HELZ2: variants seen among roughly 807,000 people sequenced by gnomAD.
The protein encoded by HELZ2 is 3'-5' exoribonuclease HELZ2.
Under a neutral mutation model 208.8 loss-of-function variants are expected in HELZ2, and 143 were observed. That is an observed-to-expected ratio of 0.68 (90% CI 0.60 to 0.79). The LOEUF is 0.79. Among genes scored for constraint, HELZ2 ranks in the 30% least tolerant of loss-of-function variants. HELZ2 has a pLI of 0.00. For missense variants in HELZ2, 3,690 were observed against 3,794.5 expected (o/e 0.97, Z 0.72); for synonymous variants, 1,705 against 1,693.7 (o/e 1.01, Z -0.16).
At chr20:63,562,629 G>T in exon 8 of HELZ2, 1 of 1,592,040 alleles carries the variant, frequency 6.3e-7, no homozygotes, top group Non-Finnish European at 8.5e-7. Context: ...AGGTGCACCC[G>T]TCTGGGAGCC....
chr20:63,564,638 G>A lies in HELZ2; in HGVS notation c.4184C>T (p.Ala1395Val), dbSNP rs563095046. ...TGGCTCCCTGCCGGGGGCATAGAAC[G>A]CAGCGCCCTGCCTTCGCGCCTCCAC... The change falls in exon 8 of 19, where the codon GCG becomes GTG. Residue 1395 changes from alanine to valine, a missense_variant. By Grantham distance (64) the Ala-to-Val change is moderately conservative. Transcript: ENST00000467148. 25 of 1,565,354 alleles carry A rather than the reference G, an allele frequency of 1.6e-5. No individual in the cohort carries two copies. Among genetic ancestry groups the A allele is most frequent in the East Asian group, 4.7e-5 (2 of 42,180 alleles).
chr20:63,559,466 G>T, intron 18 of HELZ2, 96 bp from the exon 20 acceptor site: 1 of 1,005,792 alleles, frequency 9.9e-7, no homozygotes. Context: ...AGTCAGTCAG[G>T]GTCAGGTGGG....
chr20:63,562,068 C>T lies in HELZ2; in HGVS notation c.6529+4G>A, dbSNP rs746774469. 3.1e-5 allele frequency: 49 copies of T among 1,602,902 alleles called. No homozygotes were observed. The highest frequency in any genetic ancestry group is 3.8e-5 in the Non-Finnish European group (45 of 1,175,036). ...GCCTGCGGCTCCCCCGGCATGGGCC[C>T]TACCTGGTGGGCCCTGAATGACCGT... On this transcript the variant is annotated splice_donor_region_variant and intron_variant, in intron 10 of 18. Transcript: ENST00000467148.
intron 18 of HELZ2, 83 bp downstream of exon 19, chr20:63,559,845 G>A (rs1308961555): frequency 1.2e-5 from 18 of 1,487,870 alleles, no homozygotes; most frequent in Non-Finnish European, 1.6e-5. Flanking sequence ...CGGAGTCAGG[G>A]TCAGGCAGGA....
chr20:63,571,974 C>G, intron 1 of HELZ2, 134 bp downstream of exon 2: 1 of 1,026,270 alleles, frequency 9.7e-7, no homozygotes, highest in South Asian at 1.8e-5. Flanking sequence ...GGCTCCTGCC[C>G]TACTCCAAGC....
chr20:63,562,165 T>A, exon 10 of HELZ2: 1 of 1,611,792 alleles, frequency 6.2e-7, no homozygotes, highest in Non-Finnish European at 8.5e-7. Flanking sequence ...CCTCCGGGGA[T>A]GTTGTAGGTC....
At chr20:63,565,723 G>T in exon 8 of HELZ2, 4 of 1,605,852 alleles carry the variant, frequency 2.5e-6, no homozygotes, top group Non-Finnish European at 1.7e-6. Flanking sequence ...CGGGCACCAC[G>T]TCTTCCTTCA....
At chr20:63,559,980 G>C (rs747561583) in exon 18 of HELZ2, 1 of 1,612,110 alleles carries the variant, frequency 6.2e-7, no homozygotes, top group Non-Finnish European at 8.5e-7. Flanking sequence ...TCACTTGGTT[G>C]GGGTCCACAA....
At chr20:63,558,994 A>C, downstream of HELZ2, 1 of 439,398 alleles carries the variant, frequency 2.3e-6, no homozygotes. Context: ...ACTTCCTTGC[A>C]CTGGTCCCAA....
exon 5 of HELZ2, chr20:63,568,552 C>A (rs1310875578): frequency 1.3e-6 from 2 of 1,585,424 alleles, no homozygotes; most frequent in Admixed American, 3.7e-5. Context: ...TGCCACGCCG[C>A]AAGGGTGGGA....
exon 12 of HELZ2, chr20:63,561,677 A>G: frequency 6.2e-7 from 1 of 1,612,360 alleles, no homozygotes. Flanking sequence ...GGCACTGGGA[A>G]CTCGCTGGCC....
At chr20:63,572,013 T>C in intron 1 of HELZ2, 95 bp downstream of exon 2, 1 of 1,390,884 alleles carries the variant, frequency 7.2e-7, no homozygotes, top group Non-Finnish European at 9.6e-7. Context: ...CTGCCTGTGG[T>C]GGGCTCCTGC....
At position 63,564,779 on chromosome 20, in the gene HELZ2, T is replaced by TG. The variant is rs751419406; in HGVS notation, c.4042dup (p.Gln1348ProfsTer8). The TG allele has an allele frequency of 1.6e-5, 26 of 1,611,728 alleles. No individual in the cohort carries two copies. The South Asian group carries it at 2.6e-4, about 16-fold the overall frequency. On this transcript the variant is annotated frameshift_variant, in exon 8 of 19. Coordinates refer to ENST00000467148, the Ensembl canonical transcript of HELZ2. LOFTEE classifies it high-confidence loss of function. ...GGCATCATCGAGGTTGCAGGCGCCC[T>TG]GGGGGTCCACAGTGAAGGTCAAGAA...
chr20:63,563,113 C>T lies in HELZ2; in HGVS notation c.5709G>A (p.Trp1903Ter). 6.3e-7 allele frequency: 1 copy of T among 1,596,094 alleles called. No individual in the cohort carries two copies. The highest frequency in any genetic ancestry group is 8.5e-7 in the Non-Finnish European group (1 of 1,173,220). ...AGAGGCTGAAGCCCGGTGCCACCGT[C>T]CAGAGCTGAGGGCTCGGTACCAGGA... The change falls in exon 8 of 19, where the codon TGG (tryptophan) becomes TGA (stop). Residue 1903 changes from tryptophan (W) to a stop codon, truncating the protein, a stop_gained. Transcript: ENST00000467148. LOFTEE classifies it high-confidence loss of function.
chr20:63,561,006 C>A, intron 14 of HELZ2, 76 bp downstream of exon 15: 3 of 1,595,586 alleles, frequency 1.9e-6, no homozygotes, highest in Non-Finnish European at 2.6e-6. Context: ...CCCGCGTCTG[C>A]ACACACAGGG....
exon 6 of HELZ2, chr20:63,567,521 T>C: frequency 1.3e-6 from 2 of 1,563,222 alleles, no homozygotes; most frequent in Non-Finnish European, 1.7e-6. Context: ...ACTGGGTCCG[T>C]CTGGCTCAGC....
exon 8 of HELZ2, chr20:63,564,604 C>T: frequency 5.1e-6 from 8 of 1,567,964 alleles, no homozygotes; most frequent in Non-Finnish European, 6.0e-6. Flanking sequence ...TGGCCGGCAG[C>T]ATGGGCACTG....
At chr20:63,564,059 C>G in exon 8 of HELZ2, 1 of 1,605,354 alleles carries the variant, frequency 6.2e-7, no homozygotes. Context: ...GGGACTGCCC[C>G]CGCCGCCGTG....
At chr20:63,559,833 G>A (rs535542076) in intron 18 of HELZ2, 95 bp downstream of exon 19, 1 of 1,369,174 alleles carries the variant, frequency 7.3e-7, no homozygotes, top group East Asian at 2.3e-5. Context: ...TCAGGGTCAG[G>A]TCGGAGTCAG....
Sources: gnomAD v4.1 joint callset for allele counts on GRCh38, gnomAD v4.1.1 for gene constraint, MANE v1.5 for transcripts, NCBI Gene and HGNC (gene_info 2026-07-23, HGNC 2026-07-21) for gene names.